Variants in SLC35F4 observed in about 807,000 individuals in gnomAD.
The protein encoded by SLC35F4 is chromosome 14 open reading frame 36.
In SLC35F4, 24 loss-of-function variants were observed where a neutral mutation model predicts 44.2. That is an observed-to-expected ratio of 0.54 (90% confidence interval 0.39 to 0.76). The LOEUF (loss-of-function observed/expected upper bound fraction) is 0.76. Among genes scored for constraint, SLC35F4 ranks in the 30% least tolerant of loss-of-function variants. The pLI is 0.00. For synonymous variants in SLC35F4, 238 were observed against 223.6 expected (o/e 1.06, Z -0.57); for missense variants, 562 against 586.1 (o/e 0.96, Z 0.42).
At chr14:57,768,750 T>TG (rs1034928104) in intron 1 of SLC35F4, among the ~76,000 whole-genome samples, 2 of 136,602 alleles carry the variant, frequency 1.5e-5, no homozygotes, top group Non-Finnish European at 3.4e-5. Context: ...GGGTTCTTGG[T>TG]TTTTTTTTTT....
intron 1 of SLC35F4, among the ~76,000 whole-genome samples, chr14:57,662,702 A>G (rs897501115): frequency 2.0e-5 from 3 of 152,194 alleles, no homozygotes; most frequent in Non-Finnish European, 4.4e-5. Context: ...ATATTCTGTT[A>G]TAGCAATAGA....
chr14:57,763,933 A>G (rs543954098), intron 1 of SLC35F4, among the ~76,000 whole-genome samples: 7 of 152,356 alleles, frequency 4.6e-5, no homozygotes, highest in Non-Finnish European at 1.0e-4. Flanking sequence ...ATGTGACACA[A>G]GAAACATTCT....
At chr14:57,779,580 C>T (rs12436119) in intron 1 of SLC35F4, among the ~76,000 whole-genome samples, 13,529 of 152,196 alleles carry the variant, frequency 0.089, 683 homozygotes, top group Middle Eastern at 0.15. Flanking sequence ...CCATCTCATT[C>T]TATGAGGCCA....
intron 1 of SLC35F4, among the ~76,000 whole-genome samples, chr14:57,821,766 A>G (rs921344610): frequency 6.6e-5 from 10 of 152,200 alleles, no homozygotes; most frequent in Non-Finnish European, 1.5e-4. Context: ...GTGCTGGTCT[A>G]AGCAACCAGG....
exon 1 of SLC35F4, chr14:57,981,976 T>C (rs1368945627): frequency 6.6e-6 from 1 of 152,186 alleles, no homozygotes; most frequent in Non-Finnish European, 1.5e-5. Flanking sequence ...TTCTGCTGCA[T>C]ATCAAGTGTG....
In SLC35F4 at chr14:57,634,378, T is replaced by A. The variant is rs1389149732; in HGVS notation, c.104-40254A>T. Among the ~76,000 whole-genome samples the A allele has an allele frequency of 3.9e-5, 6 of 152,170 alleles. No homozygotes were observed. In the East Asian group the frequency reaches 9.6e-4, roughly 24 times the overall value. Reference sequence around the variant, plus strand: ...TCATTCACTGTACCAAATTTGGATGTCTACTATGTGCCAGCTCTGTGTTCA... The same window carrying A: ...TCATTCACTGTACCAAATTTGGATGACTACTATGTGCCAGCTCTGTGTTCA... On this transcript the variant is annotated intron_variant, in intron 1 of 7. Coordinates refer to ENST00000556826, the MANE Select transcript of SLC35F4 (RefSeq NM_001306087.2).
intron 1 of SLC35F4, among the ~76,000 whole-genome samples, chr14:57,709,574 G>A (rs560758223): frequency 5.9e-5 from 9 of 151,494 alleles, no homozygotes; most frequent in Admixed American, 2.6e-4. Context: ...TCATGCCCTC[G>A]GTCTCTTGCC....
At chr14:57,890,005 T>C (rs1339192626) in intron 1 of SLC35F4, among the ~76,000 whole-genome samples, 2 of 152,202 alleles carry the variant, frequency 1.3e-5, no homozygotes, top group Non-Finnish European at 2.9e-5. Context: ...GTTCAGCAAA[T>C]ATTCACTCCC....
rs943929893 is a variant in SLC35F4, at chr14:57,731,556, G to A, written c.103+134167C>T. ...GACATATGGTTGTCTTCACTGGTTC[G>A]AGCAGCAGATCCAGGCAAGATTGTC... is the stretch of plus-strand genomic sequence containing the variant. On this transcript the variant is annotated intron_variant, in intron 1 of 7. Transcript: ENST00000556826. Among the ~76,000 whole-genome samples the A allele has an allele frequency of 5.9e-5, 9 of 152,102 alleles. No individual in the cohort carries two copies. In the South Asian group the frequency reaches 1.2e-3, roughly 21 times the overall value.
intron 1 of SLC35F4, among the ~76,000 whole-genome samples, chr14:57,891,861 C>G (rs1405339948): frequency 1.3e-5 from 2 of 152,134 alleles, no homozygotes; most frequent in Non-Finnish European, 2.9e-5. Context: ...GGTGACAGAG[C>G]AAGAATCCAC....
At chr14:57,833,875 T>C (rs1024382245) in intron 1 of SLC35F4, among the ~76,000 whole-genome samples, 2 of 152,212 alleles carry the variant, frequency 1.3e-5, no homozygotes, top group Admixed American at 6.5e-5. Flanking sequence ...ATTTTTTAAA[T>C]GCACGTTAAC....
chr14:57,568,958 T>G (rs904813426), intron 6 of SLC35F4, among the ~76,000 whole-genome samples: 3 of 152,098 alleles, frequency 2.0e-5, no homozygotes, highest in Non-Finnish European at 4.4e-5. Context: ...AGAGCAGCCT[T>G]ATTATTTTTC....
At chr14:57,813,328 G>A (rs141273155) in intron 1 of SLC35F4, among the ~76,000 whole-genome samples, 3 of 152,250 alleles carry the variant, frequency 2.0e-5, no homozygotes, top group Admixed American at 1.3e-4. Flanking sequence ...GGTGGTTCAT[G>A]CCTGTAATCC....
chr14:57,850,869 T>C (rs1014573268), intron 1 of SLC35F4, among the ~76,000 whole-genome samples: 7 of 152,218 alleles, frequency 4.6e-5, no homozygotes, highest in African/African-American at 1.7e-4. Flanking sequence ...ACTGCATGGA[T>C]GGTTTTTGAG....
At chr14:57,824,719 G>C (rs1883540441) in intron 1 of SLC35F4, among the ~76,000 whole-genome samples, 1 of 152,174 alleles carries the variant, frequency 6.6e-6, no homozygotes, top group South Asian at 2.1e-4. Context: ...TTGAAAGTCT[G>C]ATTGGTTTTA....
intron 1 of SLC35F4, among the ~76,000 whole-genome samples, chr14:57,755,812 C>A (rs1174352498): frequency 6.6e-6 from 1 of 152,218 alleles, no homozygotes; most frequent in Non-Finnish European, 1.5e-5. Context: ...ATAACATTGT[C>A]CACATTTCGC....
chr14:57,928,638 T>C (rs1889629789), intron 1 of SLC35F4, among the ~76,000 whole-genome samples: 1 of 152,210 alleles, frequency 6.6e-6, no homozygotes, highest in South Asian at 2.1e-4. Context: ...TCCCATAATG[T>C]AATCCAAAAA....
chr14:57,869,267 G>A (rs192938164), upstream of SLC35F4, among the ~76,000 whole-genome samples: 1 of 151,546 alleles, frequency 6.6e-6, no homozygotes, highest in Non-Finnish European at 1.5e-5. Context: ...TACAGTCCTT[G>A]TGTCTGATGC....
intron 1 of SLC35F4, among the ~76,000 whole-genome samples, chr14:57,689,645 C>G (rs1049670575): frequency 2.0e-5 from 3 of 151,136 alleles, no homozygotes; most frequent in Non-Finnish European, 4.4e-5. Context: ...GGACAAAAAA[C>G]CAAACACTGC....
Sources: allele counts gnomAD v4.1 joint callset (sites outside exome capture counted in the v4.1 genomes callset), GRCh38; gene constraint gnomAD v4.1.1; transcripts MANE v1.5; gene names NCBI Gene and HGNC (gene_info 2026-07-23, HGNC 2026-07-21).